The following TDRD12 variants were observed in gnomAD, a reference collection of about 807,000 sequenced individuals.
The protein encoded by TDRD12 is putative ATP-dependent RNA helicase TDRD12.
A neutral mutation model predicts 133.5 loss-of-function variants in TDRD12; 158 were observed. That is an observed-to-expected ratio of 1.18 (90% confidence interval 1.04 to 1.35). The LOEUF (loss-of-function observed/expected upper bound fraction) is 1.35, where lower values mean the gene tolerates loss of function less well. TDRD12 is among the 40% of genes most tolerant of loss of function. The probability of loss-of-function intolerance (pLI) is 0.00; values close to 1 mark genes in which losing one functional copy is unlikely to be tolerated. For missense variants in TDRD12, 1,443 were observed against 1,321.3 expected (o/e 1.09, Z -1.43); for synonymous variants, 460 against 477.9 (o/e 0.96, Z 0.49).
intron 8 of TDRD12, among the ~76,000 whole-genome samples, chr19:32,761,358 C>G (rs1169629518): frequency 6.6e-6 from 1 of 152,082 alleles, no homozygotes. Flanking sequence ...TCTCGATCTC[C>G]TGACCTCGTG....
intron 11 of TDRD12, among the ~76,000 whole-genome samples, chr19:32,782,527 T>A (rs1477652121): frequency 6.6e-6 from 1 of 152,204 alleles, no homozygotes; most frequent in East Asian, 1.9e-4. Flanking sequence ...TTCTAGATCC[T>A]TGAGGAATCA....
At chr19:32,764,299 A>G (rs1970235122) in intron 8 of TDRD12, among the ~76,000 whole-genome samples, 1 of 151,778 alleles carries the variant, frequency 6.6e-6, no homozygotes, top group Non-Finnish European at 1.5e-5. Context: ...TTTAGCAGAG[A>G]TGGGGTTTCA....
exon 21 of TDRD12, chr19:32,803,097 C>T: frequency 6.5e-7 from 1 of 1,535,342 alleles, no homozygotes; most frequent in Non-Finnish European, 8.7e-7. Flanking sequence ...GATAAGAAAG[C>T]CGGAAGGCCT....
At chr19:32,821,369 A>AGTGTGTGTGTGT (rs59054756), downstream of TDRD12, 78 of 351,578 alleles carry the variant, frequency 2.2e-4, no homozygotes, top group Non-Finnish European at 3.3e-4. Context: ...AGCTCAGCAG[A>AGTGTGTGTGTGT]GTGTGTGTGT....
At chr19:32,797,190 A>G (rs980206824) in intron 14 of TDRD12, among the ~76,000 whole-genome samples, 8 of 151,850 alleles carry the variant, frequency 5.3e-5, no homozygotes, top group Non-Finnish European at 1.2e-4. Flanking sequence ...CATATTGGTC[A>G]GGCTGGTCTC....
chr19:32,742,869 A>G (rs1969475361), exon 4 of TDRD12: 4 of 1,551,768 alleles, frequency 2.6e-6, no homozygotes, highest in East Asian at 2.4e-5. Flanking sequence ...CACATTACAC[A>G]TTGACTTCTG....
downstream of TDRD12, among the ~76,000 whole-genome samples, chr19:32,821,671 C>T (rs1004822817): frequency 1.5e-4 from 23 of 152,188 alleles, no homozygotes; most frequent in African/African-American, 5.6e-4. Context: ...AGCCACTGTG[C>T]CCCGCCTATA....
chr19:32,761,008 C>A (rs946537949), intron 8 of TDRD12, among the ~76,000 whole-genome samples: 8 of 152,236 alleles, frequency 5.3e-5, no homozygotes, highest in African/African-American at 1.9e-4. Context: ...AAGATTAACA[C>A]TGATATATTG....
At chr19:32,765,191 A>G (rs1174041843) in intron 8 of TDRD12, among the ~76,000 whole-genome samples, 2 of 152,218 alleles carry the variant, frequency 1.3e-5, no homozygotes, top group Non-Finnish European at 2.9e-5. Context: ...ACAATGAGAT[A>G]CCATCTCACA....
At chr19:32,825,390 AAT>A (rs773023424), downstream of TDRD12, among the ~76,000 whole-genome samples, 1 of 152,116 alleles carries the variant, frequency 6.6e-6, no homozygotes, top group Non-Finnish European at 1.5e-5. The surrounding 1 kb of genome is among the most constrained non-coding windows in gnomAD (Gnocchi z 4.1). Flanking sequence ...GTTGTTTGAG[AAT>A]ATGTCATGTC....
At chr19:32,807,193 G>A (rs971644596) in intron 21 of TDRD12, among the ~76,000 whole-genome samples, 5 of 143,408 alleles carry the variant, frequency 3.5e-5, no homozygotes, top group African/African-American at 1.3e-4. Context: ...TTGAGCCCAG[G>A]AGTTAAGAGG....
At chr19:32,756,846 C>T (rs1449862904) in intron 7 of TDRD12, among the ~76,000 whole-genome samples, 192 bp from the exon 8 acceptor site, 3 of 152,162 alleles carry the variant, frequency 2.0e-5, no homozygotes, top group Admixed American at 2.0e-4. Context: ...AAGAGCTAGT[C>T]ACGGATTGTG....
intron 8 of TDRD12, among the ~76,000 whole-genome samples, chr19:32,767,595 G>A (rs1001383268): frequency 1.3e-5 from 2 of 152,150 alleles, no homozygotes; most frequent in African/African-American, 2.4e-5. Context: ...TTTCTGTCTT[G>A]TTGGCCTTGC....
chr19:32,820,020 A>G (rs1477398463), intron 27 of TDRD12, among the ~76,000 whole-genome samples: 1 of 152,050 alleles, frequency 6.6e-6, no homozygotes, highest in African/African-American at 2.4e-5. Context: ...GTTTGAGGAG[A>G]GTCAAAGCTC....
At chr19:32,800,055 A>G (rs1971341462) in intron 16 of TDRD12, 112 bp from the exon 17 acceptor site, 2 of 700,134 alleles carry the variant, frequency 2.9e-6, no homozygotes, top group Non-Finnish European at 4.5e-6. Flanking sequence ...TTTTTGAAAG[A>G]CTTTCTCCAC....
chr19:32,818,024 T>TC (rs1967241982), intron 26 of TDRD12, 65 bp from the exon 27 acceptor site: 3 of 701,548 alleles, frequency 4.3e-6, no homozygotes, highest in Non-Finnish European at 7.8e-6. Context: ...TCCTCTACTG[T>TC]CCCCAGACAG....
chr19:32,732,301 A>G (rs1312889523), intron 2 of TDRD12, among the ~76,000 whole-genome samples: 1 of 152,118 alleles, frequency 6.6e-6, no homozygotes, highest in Admixed American at 6.6e-5. Context: ...CACTGTGCCC[A>G]GCCAGTGTAA....
At chr19:32,800,571 A>G in intron 17 of TDRD12, 73 bp from the exon 18 acceptor site, 9 of 1,295,624 alleles carry the variant, frequency 6.9e-6, no homozygotes, top group Non-Finnish European at 9.2e-6. Context: ...TTAAAATCCC[A>G]ACACCTGTGG....
At chr19:32,787,731 C>T (rs986238798) in intron 11 of TDRD12, among the ~76,000 whole-genome samples, 4 of 152,214 alleles carry the variant, frequency 2.6e-5, no homozygotes, top group Admixed American at 1.3e-4. Flanking sequence ...GATCTGTGGG[C>T]GTGGGACCCG....
Sources: allele counts gnomAD v4.1 joint callset (sites outside exome capture counted in the v4.1 genomes callset), GRCh38; gene constraint gnomAD v4.1.1; non-coding constraint Gnocchi (gnomAD v3.1); transcripts MANE v1.5; gene names NCBI Gene and HGNC (gene_info 2026-07-23, HGNC 2026-07-21).